Variants in CCDC148 observed in about 807,000 individuals in gnomAD.
CCDC148 encodes the protein coiled-coil domain containing 148.
In CCDC148, 89 loss-of-function variants were observed where a neutral mutation model predicts 85.7. The ratio of observed to expected loss-of-function variants is 1.04; its 90% CI spans 0.87 to 1.24. The LOEUF is 1.24. CCDC148 is among the 50% of genes most tolerant of loss of function. The pLI, the probability that CCDC148 is intolerant of heterozygous loss-of-function variation, is 0.00. For missense variants in CCDC148, 692 were observed against 671.7 expected, an observed-to-expected ratio of 1.03 and a Z score of -0.33; for synonymous variants, 230 against 213.9, an observed-to-expected ratio of 1.08 and a Z score of -0.66.
At chr2:158,328,197 T>A (rs865840295) in intron 7 of CCDC148, among the ~76,000 whole-genome samples, 74 of 152,238 alleles carry the variant, frequency 4.9e-4, no homozygotes, top group Admixed American at 5.2e-4. Context: ...CAGTGTGCGA[T>A]GTTGCCCTTC....
intron 9 of CCDC148, among the ~76,000 whole-genome samples, chr2:158,298,326 G>T (rs887126691): frequency 6.6e-6 from 1 of 151,116 alleles, no homozygotes; most frequent in Admixed American, 6.6e-5. Context: ...CCTAGGTGTG[G>T]TTTTTTTTTG....
chr2:158,251,046 A>G, intron 9 of CCDC148, 134 bp from the exon 10 acceptor site: 1 of 735,796 alleles, frequency 1.4e-6, no homozygotes, highest in Non-Finnish European at 2.1e-6. Context: ...CTATGTGCAC[A>G]TGACTGTGTG....
intron 11 of CCDC148, among the ~76,000 whole-genome samples, chr2:158,206,127 G>A (rs987346483): frequency 5.3e-5 from 8 of 152,194 alleles, no homozygotes; most frequent in Non-Finnish European, 1.0e-4. Context: ...ACCATATAAG[G>A]TATGTATTTT....
intron 9 of CCDC148, among the ~76,000 whole-genome samples, chr2:158,299,707 T>A (rs1246744566): frequency 2.0e-5 from 3 of 152,206 alleles, no homozygotes; most frequent in South Asian, 2.1e-4. Context: ...GAACTGGAAC[T>A]CAGAAAACTC....
chr2:158,220,621 A>G lies in CCDC148; in HGVS notation c.1344T>C (p.Ala448=), dbSNP rs1030405373. The G allele has an allele frequency of 3.1e-6, 5 of 1,604,818 alleles. No homozygotes were observed. The African/African-American group carries it at 5.4e-5, about 17-fold the overall frequency. Residue 448 remains alanine, a synonymous_variant, in exon 11 of 14, where the codon GCT becomes GCC. Transcript: ENST00000283233. ...QRLEELKKLI[A]EQSLKDRERV... ...TTTCTCTGTCTTTTAGTGACTGTTCAGCGATTAATTTCTTCAGTTCTTCTA... is the reference window on the plus strand; with the variant it reads ...TTTCTCTGTCTTTTAGTGACTGTTCGGCGATTAATTTCTTCAGTTCTTCTA...
intron 1 of CCDC148, chr2:158,425,437 G>C: frequency 3.1e-6 from 1 of 319,322 alleles, no homozygotes; most frequent in East Asian, 7.1e-5. Flanking sequence ...AGACACAATT[G>C]TGTCTAACTG....
rs185430818 is a variant in CCDC148, at chr2:158,409,442, A to G, written c.25+46973T>C. Among the ~76,000 whole-genome samples the G allele has an allele frequency of 7.3e-4, 111 of 152,342 alleles. 1 individual carries two copies. The highest frequency in any genetic ancestry group is 2.4e-3 in the Admixed American group (37 of 15,308). On this transcript the variant is annotated intron_variant, in intron 1 of 13. Transcript: ENST00000283233. ...ACATGGACTCAAAGGAGATCATTTT[A>G]GAGCTTTAAGATTTGACTGCCCCGC...
intron 11 of CCDC148, among the ~76,000 whole-genome samples, chr2:158,203,840 T>C (rs890843258): frequency 6.6e-5 from 10 of 152,228 alleles, no homozygotes; most frequent in Non-Finnish European, 1.3e-4. Flanking sequence ...GTGGAAGAGA[T>C]TTAAACATTA....
At chr2:158,278,361 C>A (rs1036258640) in intron 9 of CCDC148, among the ~76,000 whole-genome samples, 1 of 152,120 alleles carries the variant, frequency 6.6e-6, no homozygotes, top group South Asian at 2.1e-4. Flanking sequence ...TCAGAGAGTG[C>A]CCTTTCCTAG....
chr2:158,449,960 T>C (rs1688334539), intron 1 of CCDC148, among the ~76,000 whole-genome samples: 1 of 151,952 alleles, frequency 6.6e-6, no homozygotes, highest in Admixed American at 6.6e-5. Flanking sequence ...ATCTTGTCAA[T>C]TGCTTTTTCT....
chr2:158,309,340 G>A (rs915625017), intron 9 of CCDC148, 93 bp downstream of exon 9: 2 of 1,097,170 alleles, frequency 1.8e-6, no homozygotes, highest in Middle Eastern at 2.1e-4. Context: ...TGTTTTTTAA[G>A]AGAAACTGAA....
At chr2:158,427,868 T>C (rs945346120) in intron 1 of CCDC148, among the ~76,000 whole-genome samples, 1 of 151,828 alleles carries the variant, frequency 6.6e-6, no homozygotes, top group Non-Finnish European at 1.5e-5. Context: ...AAGACTTTAC[T>C]GAAAAAAAAG....
chr2:158,389,619 A>G (rs1306289916), intron 1 of CCDC148, among the ~76,000 whole-genome samples: 1 of 152,174 alleles, frequency 6.6e-6, no homozygotes, highest in Non-Finnish European at 1.5e-5. Flanking sequence ...TAAGTGAAAA[A>G]TGCTCTGTAG....
intron 1 of CCDC148, among the ~76,000 whole-genome samples, chr2:158,384,953 A>T (rs376234113): frequency 6.6e-6 from 1 of 152,116 alleles, no homozygotes; most frequent in South Asian, 2.1e-4. Context: ...GGGAAAACCC[A>T]TTTGCCAGCT....
intron 7 of CCDC148, among the ~76,000 whole-genome samples, chr2:158,327,823 G>C (rs1330997699): frequency 1.3e-5 from 2 of 151,998 alleles, no homozygotes; most frequent in Non-Finnish European, 1.5e-5. Context: ...AGCAACATTT[G>C]AAATTTTTTT....
chr2:158,172,383 TG>T (rs1684358720), intron 13 of CCDC148, 124 bp from the exon 14 acceptor site: 1 of 697,746 alleles, frequency 1.4e-6, no homozygotes, highest in Non-Finnish European at 2.4e-6. Flanking sequence ...GACAGTAAAC[TG>T]TGAATACAGT....
chr2:158,181,815 T>C (rs1018111214), intron 11 of CCDC148, among the ~76,000 whole-genome samples: 10 of 149,286 alleles, frequency 6.7e-5, no homozygotes, highest in Non-Finnish European at 8.9e-5. Context: ...ACTGTGGGGG[T>C]TTTGAAAGCA....
chr2:158,343,974 T>A (rs1262678991), intron 3 of CCDC148, among the ~76,000 whole-genome samples: 1 of 152,132 alleles, frequency 6.6e-6, no homozygotes, highest in African/African-American at 2.4e-5. Flanking sequence ...TAATGATATG[T>A]ATACACCTCT....
intron 3 of CCDC148, among the ~76,000 whole-genome samples, chr2:158,344,666 C>G: frequency 6.6e-6 from 1 of 152,060 alleles, no homozygotes; most frequent in South Asian, 2.1e-4. Flanking sequence ...TTCATTTTAT[C>G]TTTACGTGAC....
Sources: allele counts gnomAD v4.1 joint callset (sites outside exome capture counted in the v4.1 genomes callset), GRCh38; gene constraint gnomAD v4.1.1; transcripts MANE v1.5; gene names NCBI Gene and HGNC (gene_info 2026-07-23, HGNC 2026-07-21).